Variants in ANK3 observed in about 807,000 individuals in gnomAD.
ANK3 encodes ankyrin 3, also known as ankyrin-3.
ANK3 carries 57 observed loss-of-function variants against 370.9 expected under a neutral mutation model. That is an observed-to-expected ratio of 0.15 (90% confidence interval 0.12 to 0.19). The LOEUF (loss-of-function observed/expected upper bound fraction) is 0.19. ANK3 is among the 10% of genes least tolerant of loss of function. ANK3 has a pLI of 1.00. For synonymous variants in ANK3, 1,929 were observed against 1,946.3 expected (o/e 0.99, Z 0.23); for missense variants, 4,439 against 5,302.1 (o/e 0.84, Z 5.06).
intron 2 of ANK3, among the ~76,000 whole-genome samples, chr10:60,415,828 G>GTTCA: frequency 6.7e-6 from 1 of 148,402 alleles, no homozygotes; most frequent in African/African-American, 2.5e-5. Flanking sequence ...TAAAGTTCCT[G>GTTCA]TTCATTCAGA....
In ANK3 at chr10:60,070,352, G is replaced by C; in HGVS notation, c.10529C>G (p.Pro3510Arg). ...AQFFTLEGRHPDRSVFPDTYF... is the reference protein window; with the variant it reads ...AQFFTLEGRHRDRSVFPDTYF... The stretch of plus-strand genomic sequence containing the variant: ...AGTATCAGGAAACACTGATCTGTCA[G>C]GATGTCTGCCTTCCAGTGTGAAGAA... The change falls in exon 37 of 44, where the codon CCT becomes CGT. Residue 3510 changes from proline to arginine, a missense_variant. This residue lies in a region of ANK3 where 1,601 missense variants were observed against 1,731.7 expected (regional missense o/e 0.92). Coordinates refer to ENST00000280772, the MANE Select transcript of ANK3 (RefSeq NM_020987.5). This position sits in a 1 kb window ranked among gnomAD's most constrained non-coding sequence, Gnocchi z 5.7. 6.2e-7 allele frequency: 1 copy of C among 1,614,124 alleles called. No homozygotes were observed. The highest frequency in any genetic ancestry group is 2.2e-5 in the East Asian group (1 of 44,860).
chr10:60,270,332 A>G (rs113076105), intron 4 of ANK3, 103 bp from the exon 5 acceptor site: 22 of 563,276 alleles, frequency 3.9e-5, no homozygotes, highest in African/African-American at 2.7e-4. Flanking sequence ...ACATACAATA[A>G]CTTTAATAAT....
At chr10:60,368,657 A>G (rs1393567015) in intron 1 of ANK3, among the ~76,000 whole-genome samples, 1 of 152,186 alleles carries the variant, frequency 6.6e-6, no homozygotes, top group East Asian at 1.9e-4. Context: ...AATATTTTTG[A>G]CAGGCTGGAA....
chr10:60,655,233 T>C (rs2078847478), intron 1 of ANK3, among the ~76,000 whole-genome samples: 1 of 151,302 alleles, frequency 6.6e-6, no homozygotes, highest in Admixed American at 6.6e-5. Flanking sequence ...AAAGGTTAAC[T>C]GTAAAAGAGC....
At chr10:60,051,664 CTT>C (rs35764181) in intron 42 of ANK3, 1,495 of 151,302 alleles carry the variant, frequency 9.9e-3, no homozygotes, top group Non-Finnish European at 0.014. Flanking sequence ...ATGTTTTCTT[CTT>C]TTTTTTTTTT....
At chr10:60,605,771 T>G (rs1048567330) in intron 2 of ANK3, among the ~76,000 whole-genome samples, 1 of 152,222 alleles carries the variant, frequency 6.6e-6, no homozygotes, top group African/African-American at 2.4e-5. Context: ...AAGCTGAGAT[T>G]CAGTTTGTTT....
At chr10:60,320,145 CAATTTCTCT>C (rs2048316269) in intron 1 of ANK3, among the ~76,000 whole-genome samples, 1 of 152,250 alleles carries the variant, frequency 6.6e-6, no homozygotes, top group South Asian at 2.1e-4. Flanking sequence ...CTACCACCTA[CAATTTCTCT>C]TTTGGAGTAA....
At chr10:60,702,553 T>C (rs578083202) in intron 1 of ANK3, among the ~76,000 whole-genome samples, 47 of 151,988 alleles carry the variant, frequency 3.1e-4, no homozygotes, top group Non-Finnish European at 5.3e-4. Flanking sequence ...ATTATTGGTG[T>C]GTAAAAAAAA....
chr10:60,197,560 C>T (rs981887412), intron 14 of ANK3, among the ~76,000 whole-genome samples: 6 of 152,216 alleles, frequency 3.9e-5, no homozygotes, highest in Non-Finnish European at 8.8e-5. Flanking sequence ...CTCAACTCTA[C>T]TGAAGAGCCC....
At chr10:60,213,573 T>TG in intron 8 of ANK3, 63 bp from the exon 9 acceptor site, 2 of 1,069,848 alleles carry the variant, frequency 1.9e-6, no homozygotes, top group Non-Finnish European at 2.7e-6. Context: ...TGCAGTGTAC[T>TG]TCTTCAAGAT....
intron 2 of ANK3, among the ~76,000 whole-genome samples, chr10:60,488,904 T>C (rs1253885859): frequency 6.6e-6 from 1 of 152,238 alleles, no homozygotes; most frequent in Non-Finnish European, 1.5e-5. Context: ...ATTAATCTTA[T>C]TTGCTATGAT....
At chr10:60,414,425 G>C (rs77543219) in intron 2 of ANK3, among the ~76,000 whole-genome samples, 7,846 of 152,120 alleles carry the variant, frequency 0.052, 333 homozygotes, top group Non-Finnish European at 0.072. Flanking sequence ...AATGAAGATC[G>C]ATCTTCAGTG....
intron 16 of ANK3, among the ~76,000 whole-genome samples, chr10:60,192,057 C>A (rs1021921513): frequency 1.1e-4 from 17 of 152,036 alleles, no homozygotes; most frequent in African/African-American, 3.9e-4. Context: ...CCATGCCCAG[C>A]TAATTTTTGT....
chr10:60,471,526 G>C (rs922178790), intron 2 of ANK3, among the ~76,000 whole-genome samples: 1 of 152,014 alleles, frequency 6.6e-6, no homozygotes, highest in Non-Finnish European at 1.5e-5. Flanking sequence ...ATGCCTTATA[G>C]GAAGACAAAG....
chr10:60,725,366 C>T (rs2079927491), intron 1 of ANK3, among the ~76,000 whole-genome samples: 1 of 152,162 alleles, frequency 6.6e-6, no homozygotes, highest in Non-Finnish European at 1.5e-5. Flanking sequence ...TGGACATGTC[C>T]TCTTGGGGAC....
In ANK3 at chr10:60,165,577, C is replaced by T. The variant is rs188795368; in HGVS notation, c.2614+1014G>A. Reference sequence around the variant, plus strand: ...TAGTGGGAAGTCATTGATTGGATAACGAAAAGATTAAAGTGGCTTCAGACT... The same window carrying T: ...TAGTGGGAAGTCATTGATTGGATAATGAAAAGATTAAAGTGGCTTCAGACT... On this transcript the variant is annotated intron_variant, in intron 23 of 43. Coordinates refer to ENST00000280772, the MANE Select transcript of ANK3 (RefSeq NM_020987.5). Among the ~76,000 whole-genome samples, 11 of 152,222 alleles carry T rather than the reference C, an allele frequency of 7.2e-5. No individual in the cohort carries two copies. The East Asian group carries it at 9.7e-4, about 13-fold the overall frequency.
chr10:60,062,349 A>C (rs2080730156), intron 40 of ANK3: 1 of 152,234 alleles, frequency 6.6e-6, no homozygotes, highest in Admixed American at 6.5e-5. Flanking sequence ...ACATAGGAAG[A>C]TATTTATTAT....
intron 2 of ANK3, among the ~76,000 whole-genome samples, chr10:60,483,779 G>A (rs914752243): frequency 3.3e-5 from 5 of 152,218 alleles, no homozygotes; most frequent in Middle Eastern, 3.4e-3. Context: ...CACACTCCAC[G>A]TGCTTGTCTA....
intron 1 of ANK3, among the ~76,000 whole-genome samples, chr10:60,696,915 G>T (rs1232115365): frequency 1.1e-4 from 16 of 142,792 alleles, no homozygotes; most frequent in African/African-American, 1.6e-4. Flanking sequence ...CAATCAGGCA[G>T]GAGAAGGAAA....
Sources: allele counts gnomAD v4.1 joint callset (sites outside exome capture counted in the v4.1 genomes callset), GRCh38; gene constraint gnomAD v4.1.1; regional missense constraint gnomAD v4.1.1; non-coding constraint Gnocchi (gnomAD v3.1); transcripts MANE v1.5; gene names NCBI Gene and HGNC (gene_info 2026-07-23, HGNC 2026-07-21).